Variants in LRBA observed in about 807,000 individuals in gnomAD.
LRBA encodes LPS responsive beige-like anchor protein.
In LRBA, 176 loss-of-function variants were observed where a neutral mutation model predicts 330.0. The observed-to-expected ratio is 0.53, with a 90% confidence interval of 0.47 to 0.60. LRBA has a LOEUF of 0.60. LRBA is among the 20% of genes least tolerant of loss of function. The pLI is 0.00. For synonymous variants in LRBA, 1,230 were observed against 1,193.0 expected, an observed-to-expected ratio of 1.03 and a Z score of -0.64; for missense variants, 3,259 against 3,444.8, an observed-to-expected ratio of 0.95 and a Z score of 1.35.
intron 47 of LRBA, among the ~76,000 whole-genome samples, chr4:150,398,796 T>G (rs1745091963): frequency 1.3e-5 from 2 of 152,068 alleles, no homozygotes; most frequent in African/African-American, 4.8e-5. Context: ...CTAGATAAGT[T>G]TTTTTGTTTT....
chr4:150,559,914 A>C (rs1561352808), intron 40 of LRBA, among the ~76,000 whole-genome samples: 111 of 70,036 alleles, frequency 1.6e-3, no homozygotes, highest in African/African-American at 4.8e-3. Flanking sequence ...ATTATATATA[A>C]TATATAAATA....
chr4:150,731,258 C>T (rs766975998), intron 36 of LRBA, among the ~76,000 whole-genome samples: 83 of 152,074 alleles, frequency 5.5e-4, no homozygotes, highest in Middle Eastern at 3.2e-3. Context: ...TAAAATAGAG[C>T]TACCGTATGA....
chr4:150,939,386 A>C (rs1735431877), intron 2 of LRBA, among the ~76,000 whole-genome samples: 1 of 152,202 alleles, frequency 6.6e-6, no homozygotes, highest in Non-Finnish European at 1.5e-5. Flanking sequence ...ATGAAGATAG[A>C]GATTACAGTG....
intron 5 of LRBA, among the ~76,000 whole-genome samples, chr4:150,920,302 A>C (rs1035409739): frequency 1.3e-5 from 2 of 152,202 alleles, no homozygotes; most frequent in African/African-American, 2.4e-5. Flanking sequence ...TAATCCCAGC[A>C]CTTCGGGAGG....
chr4:150,733,166 C>T (rs1730693088), intron 36 of LRBA, among the ~76,000 whole-genome samples: 1 of 151,908 alleles, frequency 6.6e-6, no homozygotes, highest in South Asian at 2.1e-4. Context: ...GAAAAATGAA[C>T]ATTTTTGTGA....
intron 29 of LRBA, 112 bp from the exon 30 acceptor site, chr4:150,828,733 C>T: frequency 9.9e-7 from 1 of 1,005,172 alleles, no homozygotes; most frequent in Non-Finnish European, 1.5e-6. Context: ...TGAAATACAT[C>T]ATGTTCTAAA....
intron 36 of LRBA, among the ~76,000 whole-genome samples, chr4:150,694,817 G>C (rs1784487383): frequency 6.6e-6 from 1 of 151,878 alleles, no homozygotes; most frequent in Non-Finnish European, 1.5e-5. Context: ...ACAAACTATA[G>C]TCCTCAGACA....
At chr4:150,756,386 A>T (rs1391523524) in intron 35 of LRBA, among the ~76,000 whole-genome samples, 1 of 152,206 alleles carries the variant, frequency 6.6e-6, no homozygotes, top group Admixed American at 6.5e-5. Flanking sequence ...ATCAATACTG[A>T]GATACTAAAT....
intron 37 of LRBA, among the ~76,000 whole-genome samples, chr4:150,657,691 C>T (rs1404518433): frequency 1.3e-5 from 2 of 151,788 alleles, no homozygotes; most frequent in Admixed American, 1.3e-4. Flanking sequence ...TAGAGTAGAA[C>T]AAAGTACTTT....
intron 2 of LRBA, among the ~76,000 whole-genome samples, chr4:151,010,792 A>T (rs1744740096): frequency 6.6e-6 from 1 of 151,318 alleles, no homozygotes. Context: ...GCTGAGGCAC[A>T]AGAATTGCTT....
intron 17 of LRBA, among the ~76,000 whole-genome samples, chr4:150,890,737 G>GTTAT (rs1470526379): frequency 1.3e-5 from 2 of 152,166 alleles, no homozygotes; most frequent in Admixed American, 6.5e-5. Flanking sequence ...AGATGAGTTA[G>GTTAT]TCACAAGGAC....
chr4:150,575,382 T>C (rs990554612), intron 40 of LRBA, among the ~76,000 whole-genome samples: 2 of 151,898 alleles, frequency 1.3e-5, no homozygotes, highest in African/African-American at 4.8e-5. Context: ...TTTTAACATT[T>C]CCATTAAAAA....
intron 40 of LRBA, among the ~76,000 whole-genome samples, chr4:150,556,973 G>T (rs1209164789): frequency 6.6e-6 from 1 of 152,142 alleles, no homozygotes; most frequent in Non-Finnish European, 1.5e-5. Context: ...TTAAAAGGAC[G>T]TTTGTTATGT....
intron 37 of LRBA, among the ~76,000 whole-genome samples, chr4:150,650,645 T>C (rs1048844355): frequency 4.6e-5 from 7 of 152,018 alleles, no homozygotes; most frequent in East Asian, 3.9e-4. Flanking sequence ...TAAAAGTTTC[T>C]GGTCAGATAG....
At chr4:150,647,831 TC>T (rs1779307465) in intron 37 of LRBA, among the ~76,000 whole-genome samples, 1 of 152,012 alleles carries the variant, frequency 6.6e-6, no homozygotes, top group Non-Finnish European at 1.5e-5. Context: ...GAGATATTTA[TC>T]TACATCTATT....
At chr4:150,279,148 A>G (rs907261895) in intron 55 of LRBA, among the ~76,000 whole-genome samples, 6 of 152,222 alleles carry the variant, frequency 3.9e-5, no homozygotes, top group African/African-American at 1.4e-4. Context: ...TTTTACCAGA[A>G]CATCGCCACA....
chr4:150,325,969 C>G, intron 48 of LRBA, 71 bp from the exon 49 acceptor site: 1 of 821,762 alleles, frequency 1.2e-6, no homozygotes, highest in Non-Finnish European at 2.1e-6. Flanking sequence ...CAACTGTCAC[C>G]TGAAAATATC....
intron 22 of LRBA, among the ~76,000 whole-genome samples, chr4:150,867,188 C>A (rs552850423): frequency 2.0e-5 from 3 of 150,566 alleles, no homozygotes; most frequent in African/African-American, 7.3e-5. Context: ...ACAGGGCAGA[C>A]ATCACCCAGA....
chr4:150,746,121 G>C (rs1256912529), intron 35 of LRBA, among the ~76,000 whole-genome samples: 2 of 151,942 alleles, frequency 1.3e-5, no homozygotes, highest in East Asian at 1.9e-4. Flanking sequence ...GTATTTATGT[G>C]CATATATATG....
Sources: gnomAD v4.1 joint callset for allele counts (sites outside exome capture counted in the v4.1 genomes callset) on GRCh38, gnomAD v4.1.1 for gene constraint, MANE v1.5 for transcripts, NCBI Gene and HGNC (gene_info 2026-07-23, HGNC 2026-07-21) for gene names.